Variants in MAP4K4 observed in about 807,000 individuals in gnomAD.
The protein encoded by MAP4K4 is HPK/GCK-like kinase HGK.
A neutral mutation model predicts 189.6 loss-of-function variants in MAP4K4; 38 were observed. That is an observed-to-expected ratio of 0.20 (90% confidence interval 0.15 to 0.26). MAP4K4 has a LOEUF of 0.26. Among genes scored for constraint, MAP4K4 ranks in the 10% least tolerant of loss-of-function variants. The pLI, the probability that MAP4K4 is intolerant of heterozygous loss-of-function variation, is 1.00. For missense variants in MAP4K4, 1,054 were observed against 1,726.9 expected, an observed-to-expected ratio of 0.61 and a Z score of 6.91; for synonymous variants, 610 against 624.3, an observed-to-expected ratio of 0.98 and a Z score of 0.34.
At chr2:101,720,112 A>G (rs186111085) in intron 2 of MAP4K4, among the ~76,000 whole-genome samples, 1 of 151,952 alleles carries the variant, frequency 6.6e-6, no homozygotes, top group Non-Finnish European at 1.5e-5. Flanking sequence ...AAATGTCTGG[A>G]CAGAGATTTG....
At position 101,821,502 on chromosome 2, in the gene MAP4K4, T is replaced by C. The variant is rs148087090; in HGVS notation, c.181-2426T>C. ...ATTGTAAAATAATAGCAAGTAGTTGTGTATCTAAACATAGAAAAGAGATTG... is the reference window on the plus strand; with the variant it reads ...ATTGTAAAATAATAGCAAGTAGTTGCGTATCTAAACATAGAAAAGAGATTG... On this transcript the variant is annotated intron_variant, in intron 3 of 32. Transcript: ENST00000324219. 3.3e-3 allele frequency among the ~76,000 whole-genome samples: 502 copies of C among 152,318 alleles called. 2 individuals are homozygous for C. The highest frequency in any genetic ancestry group is 5.7e-3 in the Non-Finnish European group (390 of 68,030).
At chr2:101,824,940 G>A (rs2096282729) in intron 4 of MAP4K4, among the ~76,000 whole-genome samples, 1 of 152,186 alleles carries the variant, frequency 6.6e-6, no homozygotes. Flanking sequence ...AATGTGAAAA[G>A]TAGAATGTTT....
At chr2:101,735,014 C>T (rs1273699993) in intron 2 of MAP4K4, among the ~76,000 whole-genome samples, 3 of 152,176 alleles carry the variant, frequency 2.0e-5, no homozygotes, top group Non-Finnish European at 4.4e-5. Context: ...AATGAAAATG[C>T]ACCAGACTGA....
At chr2:101,716,394 G>C (rs1168901371) in intron 2 of MAP4K4, among the ~76,000 whole-genome samples, 1 of 152,048 alleles carries the variant, frequency 6.6e-6, no homozygotes, top group Non-Finnish European at 1.5e-5. Context: ...GGTGAGCCAA[G>C]ATTGTGTCAT....
chr2:101,700,792 TTTTTAC>T (rs1305091821), intron 2 of MAP4K4, among the ~76,000 whole-genome samples: 1 of 152,044 alleles, frequency 6.6e-6, no homozygotes, highest in African/African-American at 2.4e-5. Flanking sequence ...TTTTTTTTTT[TTTTTAC>T]TATAACAAGT....
At chr2:101,887,142 G>T in exon 30 of MAP4K4, 1 of 1,606,584 alleles carries the variant, frequency 6.2e-7, no homozygotes, top group Non-Finnish European at 8.5e-7. Context: ...TGTTGAGGAA[G>T]GCCAGAGGTT....
In MAP4K4 at chr2:101,836,748, G is replaced by C. The variant is rs561643012; in HGVS notation, c.773+770G>C. Among the ~76,000 whole-genome samples, 3 of 152,268 alleles carry C rather than the reference G, an allele frequency of 2.0e-5. No individual in the cohort carries two copies. The East Asian group carries it at 5.8e-4, about 29-fold the overall frequency. On this transcript the variant is annotated intron_variant, in intron 9 of 32. Transcript: ENST00000324219. ...GCAGAATAGCATATTAAACAGAATG[G>C]TTTTATATTCTTAGGCTGTCACTTT...
At chr2:101,798,272 C>T (rs1021665901) in intron 3 of MAP4K4, among the ~76,000 whole-genome samples, 2 of 151,928 alleles carry the variant, frequency 1.3e-5, no homozygotes, top group African/African-American at 4.8e-5. Context: ...CTGTATATAA[C>T]TATATATGTT....
At chr2:101,819,501 G>T (rs1381143518) in intron 3 of MAP4K4, among the ~76,000 whole-genome samples, 1 of 152,172 alleles carries the variant, frequency 6.6e-6, no homozygotes, top group Non-Finnish European at 1.5e-5. Flanking sequence ...TATTTTATAA[G>T]ATGTGTAATA....
chr2:101,878,029 A>C (rs767197007), intron 27 of MAP4K4, among the ~76,000 whole-genome samples: 1 of 152,206 alleles, frequency 6.6e-6, no homozygotes, highest in Admixed American at 6.5e-5. Flanking sequence ...GATTATAGGC[A>C]TGAGCCACTG....
rs574331776 is a variant in MAP4K4 at position 101,698,603 on chromosome 2, A to G, written c.123+65A>G. ...AAACTTCTTATTGGGGGACGAGGAG[A>G]GGGTGATAAACATGCTGCTGACTGG... On this transcript the variant is annotated intron_variant, in intron 2 of 32. Transcript: ENST00000324219. 4.8e-5 allele frequency: 72 copies of G among 1,493,438 alleles called. No homozygotes were observed. The African/African-American group carries it at 9.7e-4, about 20-fold the overall frequency. 92.5% of individuals were successfully genotyped at this position (1,493,438 alleles called of 1,614,324 possible).
chr2:101,803,349 A>G (rs1340447552), intron 3 of MAP4K4, among the ~76,000 whole-genome samples: 2 of 152,008 alleles, frequency 1.3e-5, no homozygotes, highest in Non-Finnish European at 2.9e-5. Context: ...TTTGATGATT[A>G]AACAGTTTGG....
chr2:101,836,068 C>A, intron 9 of MAP4K4, 90 bp downstream of exon 9: 1 of 982,792 alleles, frequency 1.0e-6, no homozygotes, highest in Non-Finnish European at 1.6e-6. Flanking sequence ...AAAATTCTGG[C>A]CCTTCTAATT....
At chr2:101,751,315 C>G (rs772339659) in intron 2 of MAP4K4, among the ~76,000 whole-genome samples, 20 of 152,190 alleles carry the variant, frequency 1.3e-4, no homozygotes, top group Non-Finnish European at 2.2e-4. Flanking sequence ...TAGAAATGAT[C>G]TTTCTCCTCC....
intron 2 of MAP4K4, among the ~76,000 whole-genome samples, chr2:101,733,990 A>T (rs888382711): frequency 6.6e-6 from 1 of 152,216 alleles, no homozygotes; most frequent in Admixed American, 6.5e-5. Context: ...CTATCACACT[A>T]TGTGGCACCT....
At chr2:101,840,916 G>C (rs971429439) in intron 10 of MAP4K4, among the ~76,000 whole-genome samples, 2 of 152,142 alleles carry the variant, frequency 1.3e-5, no homozygotes, top group African/African-American at 2.4e-5. Flanking sequence ...AAAGTAATTA[G>C]GCTTTGTACA....
intron 21 of MAP4K4, among the ~76,000 whole-genome samples, chr2:101,868,351 T>C (rs886631261): frequency 6.6e-6 from 1 of 152,062 alleles, no homozygotes; most frequent in Admixed American, 6.6e-5. Flanking sequence ...TTCTCAACTA[T>C]GAAGAAAATA....
chr2:101,844,820 T>A (rs1488956744), intron 12 of MAP4K4, among the ~76,000 whole-genome samples: 1 of 152,034 alleles, frequency 6.6e-6, no homozygotes, highest in Admixed American at 6.6e-5. Flanking sequence ...AAATGGCTAA[T>A]GCAGGGCTTA....
At chr2:101,773,409 C>G (rs182402553) in intron 2 of MAP4K4, among the ~76,000 whole-genome samples, 29 of 152,292 alleles carry the variant, frequency 1.9e-4, no homozygotes, top group Admixed American at 7.2e-4. Context: ...TTCCCCACCC[C>G]GCAATTGCCT....
Sources: allele counts gnomAD v4.1 joint callset (sites outside exome capture counted in the v4.1 genomes callset), GRCh38; gene constraint gnomAD v4.1.1; transcripts MANE v1.5; gene names NCBI Gene and HGNC (gene_info 2026-07-23, HGNC 2026-07-21).